PLA2R1: variants seen among roughly 807,000 people sequenced by gnomAD.
PLA2R1 encodes the protein secretory phospholipase A2 receptor.
Under a neutral mutation model 195.9 loss-of-function variants are expected in PLA2R1, and 158 were observed. That is an observed-to-expected ratio of 0.81 (90% confidence interval 0.71 to 0.92). The LOEUF (loss-of-function observed/expected upper bound fraction) is 0.92. PLA2R1 is among the 40% of genes least tolerant of loss of function. PLA2R1 has a pLI of 0.00. For synonymous variants in PLA2R1, 586 were observed against 598.2 expected (o/e 0.98, Z 0.30); for missense variants, 1,626 against 1,764.6 (o/e 0.92, Z 1.41).
rs3061613 is a variant in PLA2R1, at chr2:159,981,216, C to CGTGTGTGTGT, written c.2184-1312_2184-1303dup. Among the ~76,000 whole-genome samples, 20 of 148,214 alleles carry CGTGTGTGTGT rather than the reference C, an allele frequency of 1.3e-4. No homozygotes were observed. In the South Asian group the frequency reaches 2.8e-3, roughly 21 times the overall value. On this transcript the variant is annotated intron_variant, in intron 13 of 29. Coordinates refer to ENST00000283243, the MANE Select transcript of PLA2R1 (RefSeq NM_007366.5). ...TAATAAACACACATGTATGTGCATA[C>CGTGTGTGTGT]GTGTGTGTGTGTGTGTGTGTGTGTG... is the stretch of plus-strand genomic sequence containing the variant.
At position 160,028,222 on chromosome 2, in the gene PLA2R1, T is replaced by C. The variant is rs1693640579; in HGVS notation, c.1095A>G (p.Ile365Met). 6.3e-7 allele frequency: 1 copy of C among 1,581,942 alleles called. No individual in the cohort carries two copies. Among genetic ancestry groups the C allele is most frequent in the Non-Finnish European group, 8.6e-7 (1 of 1,167,532 alleles). The change falls in exon 6 of 30, where the codon ATA becomes ATG. Residue 365 changes from isoleucine (I) to methionine (M), a missense_variant. Coordinates refer to ENST00000283243, the MANE Select transcript of PLA2R1 (RefSeq NM_007366.5). ...KKYLNHIDHE[I>M]VEKDAWKYYA... ...ACTTAAAATAAAAACGCTTACCAACTATTTCATGATCAATGTGGTTTAGAT... is the reference window on the plus strand; with the variant it reads ...ACTTAAAATAAAAACGCTTACCAACCATTTCATGATCAATGTGGTTTAGAT...
At chr2:159,992,348 C>T (rs1467678961) in intron 11 of PLA2R1, among the ~76,000 whole-genome samples, 6 of 151,600 alleles carry the variant, frequency 4.0e-5, no homozygotes, top group Non-Finnish European at 7.4e-5. Context: ...ACAAAAATCA[C>T]AAGCATTCTT....
chr2:159,994,803 G>A (rs188015999), intron 11 of PLA2R1, among the ~76,000 whole-genome samples: 9 of 152,022 alleles, frequency 5.9e-5, no homozygotes, highest in East Asian at 3.9e-4. Context: ...AAAAAATGGC[G>A]GAAAGGTGAT....
intron 7 of PLA2R1, among the ~76,000 whole-genome samples, chr2:160,021,107 T>C (rs1259652877): frequency 1.3e-5 from 2 of 152,150 alleles, no homozygotes; most frequent in Non-Finnish European, 2.9e-5. Context: ...AGCTTAAAGA[T>C]AGGAGTTTTT....
chr2:160,021,299 CATT>C (rs1191516491), intron 7 of PLA2R1, among the ~76,000 whole-genome samples: 2 of 152,120 alleles, frequency 1.3e-5, no homozygotes, highest in Non-Finnish European at 2.9e-5. Flanking sequence ...GGAAAAAAAT[CATT>C]ATATCAAAAA....
intron 1 of PLA2R1, among the ~76,000 whole-genome samples, chr2:160,061,793 A>C (rs961919489): frequency 1.3e-5 from 2 of 151,994 alleles, no homozygotes; most frequent in Admixed American, 6.5e-5. Flanking sequence ...AACAAACAAA[A>C]AAAGTTTTCC....
chr2:159,930,279 G>A (rs1033675277), downstream of PLA2R1, among the ~76,000 whole-genome samples: 3 of 152,082 alleles, frequency 2.0e-5, no homozygotes, highest in African/African-American at 7.2e-5. Context: ...ATGGTGGCAC[G>A]CGCCTGTAGT....
At chr2:160,038,184 G>A (rs1373310855) in intron 3 of PLA2R1, among the ~76,000 whole-genome samples, 1 of 152,176 alleles carries the variant, frequency 6.6e-6, no homozygotes, top group Non-Finnish European at 1.5e-5. Flanking sequence ...GTTTTCAGGA[G>A]GCAGAAATAG....
intron 18 of PLA2R1, 58 bp from the exon 19 acceptor site, chr2:159,969,417 C>T (rs1164145006): frequency 2.2e-6 from 2 of 901,596 alleles, no homozygotes; most frequent in Non-Finnish European, 1.8e-6. Context: ...CAGTCTCCAA[C>T]ATCATTCTTA....
rs138411674 is a variant in PLA2R1 at position 159,987,209 on chromosome 2, G to A, written c.1984C>T (p.His662Tyr). 1.7e-5 allele frequency: 28 copies of A among 1,613,816 alleles called. No homozygotes were observed. The highest frequency in any genetic ancestry group is 2.2e-5 in the South Asian group (2 of 91,070). ...KAEYEERWPFHPCYLDWESEP... is the reference protein window; with the variant it reads ...KAEYEERWPFYPCYLDWESEP... The stretch of plus-strand genomic sequence containing the variant: ...GACTCCCAGTCCAAATAGCAGGGGT[G>A]AAAGGGCCATCTCTCTTCATACTCT... Residue 662 changes from histidine (H) to tyrosine (Y), a missense_variant, in exon 12 of 30, where the codon CAC becomes TAC. By Grantham distance (83) the His-to-Tyr change is moderately conservative. Transcript: ENST00000283243.
Position 160,044,941 on chromosome 2 carries a change from G to A in PLA2R1, c.326C>T (p.Thr109Ile). Residue 109 changes from threonine (T) to isoleucine (I), a missense_variant, in exon 2 of 30, where the codon ACC becomes ATC. Coordinates refer to ENST00000283243, the MANE Select transcript of PLA2R1 (RefSeq NM_007366.5). ...QPLSLYECDS[T>I]LVSLRWRCNR... is the part of the protein sequence containing the mutation. ...ACAGCGCCACCGTAAGGAAACGAGG[G>A]TGGAGTCACATTCATATAAGCTTAA... 4 of 1,614,158 alleles carry A rather than the reference G, an allele frequency of 2.5e-6. No individual in the cohort carries two copies. The highest frequency in any genetic ancestry group is 3.4e-6 in the Non-Finnish European group (4 of 1,180,002).
intron 18 of PLA2R1, among the ~76,000 whole-genome samples, chr2:159,969,748 G>A (rs913582340): frequency 8.6e-5 from 13 of 151,954 alleles, no homozygotes; most frequent in African/African-American, 3.1e-4. Flanking sequence ...TCTCCATGTT[G>A]GCCAGGCTGG....
At chr2:160,041,800 A>G (rs1694536420) in intron 3 of PLA2R1, among the ~76,000 whole-genome samples, 1 of 152,272 alleles carries the variant, frequency 6.6e-6, no homozygotes, top group Non-Finnish European at 1.5e-5. Context: ...AGCTTAATGA[A>G]GAATGGCTAA....
chr2:160,052,110 T>C (rs1695248337), intron 1 of PLA2R1, among the ~76,000 whole-genome samples: 1 of 152,238 alleles, frequency 6.6e-6, no homozygotes, highest in Admixed American at 6.5e-5. Flanking sequence ...TGGACCGCTC[T>C]TGCTAAATCT....
chr2:159,978,752 G>A (rs1689745288), intron 14 of PLA2R1, among the ~76,000 whole-genome samples: 1 of 152,044 alleles, frequency 6.6e-6, no homozygotes. Context: ...TGGATTAGTG[G>A]GGCTGAATGA....
rs1333512185 is a variant in PLA2R1, at chr2:159,942,251, C to G, written c.4145-92G>C. ...ACTCAGGGATCAGCAAACTATGGCC[C>G]ATGACCCTATTTTTATAAAAAATGT... On this transcript the variant is annotated intron_variant, in intron 28 of 29. Transcript: ENST00000283243. 8 of 889,064 alleles carry G rather than the reference C, an allele frequency of 9.0e-6. No individual in the cohort carries two copies. In the African/African-American group the frequency reaches 1.2e-4, roughly 13 times the overall value. 55.1% of individuals were successfully genotyped at this position (889,064 alleles called of 1,614,324 possible).
chr2:160,042,337 T>G, intron 2 of PLA2R1, 139 bp from the exon 3 acceptor site: 3 of 627,682 alleles, frequency 4.8e-6, no homozygotes, highest in Non-Finnish European at 8.3e-6. Context: ...AGCCCTCAGG[T>G]CCTCACTGTC....
At chr2:159,972,152 A>G (rs1395631565) in intron 17 of PLA2R1, among the ~76,000 whole-genome samples, 2 of 152,154 alleles carry the variant, frequency 1.3e-5, no homozygotes, top group Non-Finnish European at 2.9e-5. Flanking sequence ...CCTAAGTGGC[A>G]TATTTATTAC....
chr2:160,048,677 G>A (rs1013335785), intron 1 of PLA2R1, among the ~76,000 whole-genome samples: 1 of 152,126 alleles, frequency 6.6e-6, no homozygotes, highest in Non-Finnish European at 1.5e-5. Flanking sequence ...AATCAAGATT[G>A]ATTATACATG....
Sources: allele counts gnomAD v4.1 joint callset (sites outside exome capture counted in the v4.1 genomes callset), GRCh38; gene constraint gnomAD v4.1.1; transcripts MANE v1.5; gene names NCBI Gene and HGNC (gene_info 2026-07-23, HGNC 2026-07-21).